The following IL1RAPL1 variants were observed in gnomAD, a reference collection of about 807,000 sequenced individuals.
The protein encoded by IL1RAPL1 is interleukin 1 receptor accessory protein like 1, also known as interleukin-1 receptor accessory protein-like 1.
In IL1RAPL1, 3 loss-of-function variants were observed where a neutral mutation model predicts 48.4. The ratio of observed to expected loss-of-function variants is 0.06; its 90% CI spans 0.03 to 0.16. The LOEUF (loss-of-function observed/expected upper bound fraction) is 0.16, where lower values mean the gene tolerates loss of function less well. Among genes scored for constraint, IL1RAPL1 ranks in the 10% least tolerant of loss-of-function variants. IL1RAPL1 has a pLI of 1.00. For missense variants in IL1RAPL1, 349 were observed against 530.6 expected (o/e 0.66, Z 3.36); for synonymous variants, 185 against 187.7 (o/e 0.99, Z 0.12).
At chrX:28,819,723 C>G (rs1266339803) in intron 2 of IL1RAPL1, among the ~76,000 whole-genome samples, 1 of 107,576 alleles carries the variant, frequency 9.3e-6, no homozygotes, top group Non-Finnish European at 1.9e-5. Flanking sequence ...GTTCCAGAAA[C>G]CTAGGATGCA....
intron 5 of IL1RAPL1, among the ~76,000 whole-genome samples, chrX:29,504,035 A>T (rs888897893): frequency 9.6e-6 from 1 of 104,375 alleles, no homozygotes; most frequent in Non-Finnish European, 1.9e-5. Flanking sequence ...ATCTCGACTC[A>T]CTGCAACCTC....
chrX:29,832,712 T>G (rs34639972), intron 6 of IL1RAPL1, among the ~76,000 whole-genome samples: 1,984 of 106,313 alleles, frequency 0.019, 19 homozygotes, highest in South Asian at 0.074. Context: ...TTTGTTTTTT[T>G]TTTTTTTTGG....
At chrX:28,949,495 C>G (rs1003111268) in intron 2 of IL1RAPL1, among the ~76,000 whole-genome samples, 10 of 111,661 alleles carry the variant, frequency 9.0e-5, no homozygotes, top group Non-Finnish European at 1.9e-4. Flanking sequence ...CACACTACAA[C>G]AGAGTTGACA....
intron 2 of IL1RAPL1, among the ~76,000 whole-genome samples, chrX:29,145,381 A>G (rs868233982): frequency 8.9e-6 from 1 of 112,352 alleles, no homozygotes. Context: ...CCAAAAATCT[A>G]TATTTCGTCA....
intron 2 of IL1RAPL1, among the ~76,000 whole-genome samples, chrX:28,925,298 A>G (rs888001850): frequency 8.9e-6 from 1 of 111,990 alleles, no homozygotes; most frequent in Non-Finnish European, 1.9e-5. Context: ...AGACAATTGC[A>G]TAAAATTAAG....
At chrX:28,963,702 C>T (rs1393237470) in intron 2 of IL1RAPL1, among the ~76,000 whole-genome samples, 5 of 110,759 alleles carry the variant, frequency 4.5e-5, no homozygotes, top group Non-Finnish European at 7.6e-5. Context: ...TTAATTCTGG[C>T]GTTGATTTTA....
chrX:29,152,845 C>G (rs1370629868), intron 2 of IL1RAPL1, among the ~76,000 whole-genome samples: 1 of 112,019 alleles, frequency 8.9e-6, no homozygotes, highest in Non-Finnish European at 1.9e-5. Context: ...AATAGCTTCC[C>G]ATGATGAGGA....
At chrX:29,199,294 ATG>A (rs1930506452) in intron 2 of IL1RAPL1, among the ~76,000 whole-genome samples, 1 of 111,226 alleles carries the variant, frequency 9.0e-6, no homozygotes, top group Non-Finnish European at 1.9e-5. Flanking sequence ...ATACACCCAA[ATG>A]ATAAGTGGTT....
chrX:29,104,763 CA>C (rs11312261), intron 2 of IL1RAPL1, among the ~76,000 whole-genome samples: 24,905 of 108,132 alleles, frequency 0.23, 2,763 homozygotes, highest in African/African-American at 0.42. Context: ...TATGTACCCA[CA>C]AAAAAAAATT....
intron 1 of IL1RAPL1, among the ~76,000 whole-genome samples, chrX:28,760,486 C>CT (rs1324958112): frequency 8.9e-6 from 1 of 111,972 alleles, no homozygotes; most frequent in African/African-American, 3.3e-5. Context: ...GCCAAAGTGA[C>CT]TATTCTTTCA....
chrX:28,812,885 A>C (rs192970132), intron 2 of IL1RAPL1, among the ~76,000 whole-genome samples: 1 of 110,244 alleles, frequency 9.1e-6, no homozygotes. Context: ...ACCCAGTTTC[A>C]TTTTCTTGAC....
intron 2 of IL1RAPL1, among the ~76,000 whole-genome samples, chrX:28,971,737 G>A (rs1281839346): frequency 1.8e-5 from 2 of 111,338 alleles, no homozygotes; most frequent in Non-Finnish European, 3.8e-5. Flanking sequence ...TGTTCAAGAG[G>A]AAGGTAAGGA....
intron 2 of IL1RAPL1, among the ~76,000 whole-genome samples, chrX:28,991,458 C>T (rs575521038): frequency 1.8e-5 from 2 of 111,387 alleles, no homozygotes; most frequent in East Asian, 2.8e-4. Flanking sequence ...ACTCAACCTT[C>T]GATTCCATGA....
At chrX:29,439,012 C>T (rs1407545202) in intron 5 of IL1RAPL1, among the ~76,000 whole-genome samples, 1 of 110,890 alleles carries the variant, frequency 9.0e-6, no homozygotes, top group African/African-American at 3.3e-5. Context: ...ACCCTTTTTC[C>T]TGTTACCACA....
intron 6 of IL1RAPL1, among the ~76,000 whole-genome samples, chrX:29,773,035 G>A (rs761405393): frequency 8.9e-6 from 1 of 111,883 alleles, no homozygotes; most frequent in South Asian, 3.7e-4. Flanking sequence ...CAAAATGTGA[G>A]AATTTGAAAT....
chrX:29,302,199 G>A (rs2147612200), intron 3 of IL1RAPL1, among the ~76,000 whole-genome samples: 1 of 111,876 alleles, frequency 8.9e-6, no homozygotes, highest in South Asian at 3.7e-4. Context: ...ATTATCTAAT[G>A]AATTCTTTAT....
chrX:29,334,748 T>C (rs1298194113), intron 3 of IL1RAPL1, among the ~76,000 whole-genome samples: 14 of 107,931 alleles, frequency 1.3e-4, no homozygotes, highest in African/African-American at 4.6e-4. Flanking sequence ...CCTCACTTCC[T>C]AGATGGGATG....
intron 2 of IL1RAPL1, among the ~76,000 whole-genome samples, chrX:28,792,569 C>T (rs1936551013): frequency 1.9e-5 from 2 of 105,294 alleles, no homozygotes; most frequent in Non-Finnish European, 3.9e-5. Context: ...GGGCAGATCA[C>T]GAGGTCAGGA....
chrX:29,908,066 A>C (rs1932678061), intron 6 of IL1RAPL1, among the ~76,000 whole-genome samples: 1 of 110,942 alleles, frequency 9.0e-6, no homozygotes, highest in Non-Finnish European at 1.9e-5. Context: ...AAGTACATTA[A>C]ATTTATTGCT....
Sources: gnomAD v4.1 joint callset for allele counts (sites outside exome capture counted in the v4.1 genomes callset) on GRCh38, gnomAD v4.1.1 for gene constraint, MANE v1.5 for transcripts, NCBI Gene and HGNC (gene_info 2026-07-23, HGNC 2026-07-21) for gene names.